Variants in PLEKHB1 observed in about 807,000 individuals in gnomAD.
PLEKHB1 encodes the protein pleckstrin homology domain containing B1, also known as pleckstrin homology domain-containing family B member 1.
Under a neutral mutation model 36.2 loss-of-function variants are expected in PLEKHB1, and 29 were observed. The ratio of observed to expected loss-of-function variants is 0.80; its 90% CI spans 0.60 to 1.09. The LOEUF (loss-of-function observed/expected upper bound fraction) is 1.09, where lower values mean the gene tolerates loss of function less well. PLEKHB1 is among the 50% of genes least tolerant of loss of function. PLEKHB1 has a pLI of 0.00. For missense variants in PLEKHB1, 330 were observed against 348.2 expected (o/e 0.95, Z 0.42); for synonymous variants, 138 against 140.0 (o/e 0.99, Z 0.10).
intron 5 of PLEKHB1, chr11:73,653,517 G>A (rs1565330380): frequency 1.1e-5 from 5 of 452,308 alleles, no homozygotes; most frequent in Middle Eastern, 6.5e-4. Context: ...TGAGAAGCCA[G>A]ACATGGAACA....
intron 5 of PLEKHB1, among the ~76,000 whole-genome samples, chr11:73,655,093 A>G (rs936645842): frequency 2.6e-5 from 4 of 152,132 alleles, no homozygotes; most frequent in African/African-American, 4.8e-5. Context: ...GGCGGAGGGA[A>G]GGAGGCAAGG....
chr11:73,655,102 G>A (rs1944966103), intron 5 of PLEKHB1, among the ~76,000 whole-genome samples: 1 of 152,164 alleles, frequency 6.6e-6, no homozygotes, highest in Non-Finnish European at 1.5e-5. Flanking sequence ...AAGGAGGCAA[G>A]GGTGACTGTC....
chr11:73,650,392 A>C, intron 2 of PLEKHB1, 161 bp from the exon 3 acceptor site: 2 of 738,498 alleles, frequency 2.7e-6, no homozygotes, highest in Non-Finnish European at 4.2e-6. Context: ...GGAGGTGAAC[A>C]AGACAGAAAG....
intron 5 of PLEKHB1, among the ~76,000 whole-genome samples, chr11:73,654,029 G>GAA (rs34898891): frequency 2.2e-4 from 32 of 147,938 alleles, no homozygotes; most frequent in African/African-American, 3.2e-4. Context: ...TAGAAAAAAG[G>GAA]AAAAAAAAAA....
At chr11:73,649,283 T>A (rs982200879) in intron 2 of PLEKHB1, among the ~76,000 whole-genome samples, 196 bp downstream of exon 2, 9 of 152,128 alleles carry the variant, frequency 5.9e-5, no homozygotes, top group African/African-American at 1.9e-4. Context: ...TCACGACCCA[T>A]CTCAGATGGG....
intron 3 of PLEKHB1, 77 bp downstream of exon 3, chr11:73,650,782 T>C: frequency 6.9e-7 from 1 of 1,447,622 alleles, no homozygotes; most frequent in Non-Finnish European, 9.1e-7. Context: ...CACTTGCTGT[T>C]GGAAGTCTTT....
chr11:73,651,998 G>A, intron 4 of PLEKHB1, 108 bp downstream of exon 4: 1 of 979,536 alleles, frequency 1.0e-6, no homozygotes, highest in African/African-American at 1.6e-5. Context: ...GGGCACTAAG[G>A]CCAGTCAGCA....
rs775493340 is a variant in PLEKHB1 at position 73,661,555 on chromosome 11, A to G, written c.685A>G (p.Thr229Ala). The G allele has an allele frequency of 1.9e-6, 3 of 1,609,704 alleles. No individual in the cohort carries two copies. The South Asian group carries it at 3.3e-5, about 18-fold the overall frequency. The change falls in exon 8 of 8, where the codon ACT (threonine) becomes GCT (alanine). Residue 229 changes from threonine to alanine, a missense_variant. By Grantham distance (58) the Thr-to-Ala change is moderately conservative. Transcript: ENST00000354190. The surrounding 1 kb of genome is among the most constrained non-coding windows in gnomAD (Gnocchi z 4.6). ...LAMGMLAGAA[T>A]GAALGSLMWS... ...CATGGGCATGCTTGCGGGAGCCGCC[A>G]CTGGGGCGGCGCTGGGCTCGCTCAT... is the stretch of plus-strand genomic sequence containing the variant.
intron 1 of PLEKHB1, chr11:73,647,616 G>A: frequency 1.0e-6 from 1 of 985,310 alleles, no homozygotes; most frequent in Non-Finnish European, 1.2e-6. Flanking sequence ...CTCAGGCGCT[G>A]CGGGAGGAGA....
At chr11:73,654,497 G>A (rs1241368702) in intron 5 of PLEKHB1, among the ~76,000 whole-genome samples, 1 of 152,208 alleles carries the variant, frequency 6.6e-6, no homozygotes, top group Non-Finnish European at 1.5e-5. Context: ...GGGCAGCTGG[G>A]TGGGGGTTGG....
intron 3 of PLEKHB1, 64 bp downstream of exon 3, chr11:73,650,769 G>C: frequency 1.4e-6 from 2 of 1,476,722 alleles, no homozygotes; most frequent in Non-Finnish European, 1.8e-6. Context: ...CTGTCTCCGA[G>C]AACACTTGCT....
chr11:73,650,006 A>G (rs1944856226), intron 2 of PLEKHB1, among the ~76,000 whole-genome samples: 1 of 152,016 alleles, frequency 6.6e-6, no homozygotes, highest in South Asian at 2.1e-4. Context: ...GTTTGATACC[A>G]GCCTAGACAA....
chr11:73,649,613 C>T (rs527712256), intron 2 of PLEKHB1, among the ~76,000 whole-genome samples: 1 of 152,322 alleles, frequency 6.6e-6, no homozygotes, highest in East Asian at 1.9e-4. Context: ...CCCTAAGAAG[C>T]TCTCTTATGT....
chr11:73,649,175 C>G (rs1329235051), intron 2 of PLEKHB1, 88 bp downstream of exon 2: 1 of 1,474,358 alleles, frequency 6.8e-7, no homozygotes, highest in African/African-American at 1.4e-5. Flanking sequence ...CTCAAGAAAC[C>G]AGGACCTTTT....
chr11:73,655,780 T>C (rs369451872), intron 5 of PLEKHB1, 23 bp from the exon 6 acceptor site: 157 of 1,610,114 alleles, frequency 9.8e-5, no homozygotes, highest in Non-Finnish European at 1.3e-4. Flanking sequence ...CTCCTCCTTC[T>C]TGGGTTTCTG....
At chr11:73,654,128 G>A (rs1201279740) in intron 5 of PLEKHB1, among the ~76,000 whole-genome samples, 3 of 152,310 alleles carry the variant, frequency 2.0e-5, no homozygotes, top group African/African-American at 7.2e-5. Flanking sequence ...CAGTGTCCGG[G>A]CAACAGACTG....
At chr11:73,654,655 G>A (rs954000743) in intron 5 of PLEKHB1, among the ~76,000 whole-genome samples, 1 of 152,234 alleles carries the variant, frequency 6.6e-6, no homozygotes, top group African/African-American at 2.4e-5. Context: ...ATCTGCAGAA[G>A]TAGCTGCATG....
intron 1 of PLEKHB1, 115 bp from the exon 2 acceptor site, chr11:73,648,897 T>C: frequency 1.4e-6 from 2 of 1,453,960 alleles, no homozygotes; most frequent in South Asian, 2.8e-5. Context: ...CTGGCCCTTG[T>C]TTACTAACCC....
chr11:73,661,770 T>A lies in PLEKHB1; in HGVS notation c.*168T>A. 1 of 810,150 alleles carries A rather than the reference T, an allele frequency of 1.2e-6. No individual in the cohort carries two copies. Among genetic ancestry groups the A allele is most frequent in the African/African-American group, 1.8e-5 (1 of 56,514 alleles). The allele number at this position is 810,150 out of a possible 1,614,324, so 50.2% of individuals were successfully genotyped here. ...CCACTCCCTACCCTTAATCCCCACA[T>A]GGGAAGAAGCTATCATCACAGGTAC... On this transcript the variant is annotated 3_prime_UTR_variant, in exon 8 of 8. Transcript: ENST00000354190. This position sits in a 1 kb window ranked among gnomAD's most constrained non-coding sequence, Gnocchi z 4.6.
Sources: allele counts gnomAD v4.1 joint callset (sites outside exome capture counted in the v4.1 genomes callset), GRCh38; gene constraint gnomAD v4.1.1; non-coding constraint Gnocchi (gnomAD v3.1); transcripts MANE v1.5; gene names NCBI Gene and HGNC (gene_info 2026-07-23, HGNC 2026-07-21).